The following CABP1 variants were observed in gnomAD, a reference collection of about 807,000 sequenced individuals.
CABP1 encodes the protein calcium-binding protein 1.
A neutral mutation model predicts 34.3 loss-of-function variants in CABP1; 17 were observed. The observed-to-expected ratio is 0.50, with a 90% CI of 0.34 to 0.74. CABP1 has a LOEUF of 0.74. CABP1 is among the 30% of genes least tolerant of loss of function. CABP1 has a pLI of 0.01. For synonymous variants in CABP1, 198 were observed against 229.2 expected (o/e 0.86, Z 1.23); for missense variants, 373 against 511.1 (o/e 0.73, Z 2.61).
chr12:120,650,380 T>G, intron 1 of CABP1: 8 of 997,842 alleles, frequency 8.0e-6, no homozygotes, highest in East Asian at 2.8e-5. Flanking sequence ...TTCATCTCCT[T>G]AAGAAAGTGC....
intron 1 of CABP1, chr12:120,656,012 C>T (rs753886376): frequency 6.3e-7 from 1 of 1,597,228 alleles, no homozygotes; most frequent in Non-Finnish European, 8.5e-7. Flanking sequence ...TTGCGGAAAG[C>T]CCCTCCCGGG....
intron 1 of CABP1, among the ~76,000 whole-genome samples, chr12:120,657,273 G>A (rs1044881065): frequency 1.3e-5 from 2 of 152,194 alleles, no homozygotes; most frequent in African/African-American, 4.8e-5. Flanking sequence ...AGAGAGGAGA[G>A]GACTAATGAG....
chr12:120,663,516 T>C (rs1172058808), intron 5 of CABP1, among the ~76,000 whole-genome samples: 1 of 152,118 alleles, frequency 6.6e-6, no homozygotes, highest in Non-Finnish European at 1.5e-5. Flanking sequence ...CCTCAAGTGA[T>C]CCACCCGCCT....
the CABP1 span, among the ~76,000 whole-genome samples, chr12:120,677,387 CTTCTTT>C: frequency 3.0e-5 from 4 of 133,188 alleles, no homozygotes; most frequent in South Asian, 9.3e-4. Flanking sequence ...TATGCCCAGC[CTTCTTT>C]TTTTTTTTTT....
Position 120,648,407 on chromosome 12 carries a change from G to T in CABP1, c.654+7068G>T, listed in dbSNP as rs11065184. 0.022 allele frequency among the ~76,000 whole-genome samples: 3,353 copies of T among 152,318 alleles called. 218 individuals carry two copies. The East Asian group carries it at 0.26, about 12-fold the overall frequency. On this transcript the variant is annotated intron_variant, in intron 1 of 5. Coordinates refer to ENST00000316803, the MANE Select transcript of CABP1 (RefSeq NM_001033677.2). ...AACAACGTTCCCAGAGCCAAGCACG[G>T]TGCCTGACATTTCTCCACTGGACAA...
chr12:120,669,572 G>A (rs1881179203), downstream of CABP1, among the ~76,000 whole-genome samples: 1 of 152,160 alleles, frequency 6.6e-6, no homozygotes, highest in Non-Finnish European at 1.5e-5. Flanking sequence ...TGGCCAACAT[G>A]GTGAAACCCC....
At chr12:120,648,091 C>T (rs1327750128) in intron 1 of CABP1, among the ~76,000 whole-genome samples, 1 of 152,152 alleles carries the variant, frequency 6.6e-6, no homozygotes, top group Admixed American at 6.5e-5. Flanking sequence ...ATATATCCAC[C>T]CATTCATACC....
At chr12:120,677,357 G>A in the CABP1 span, among the ~76,000 whole-genome samples, 1 of 149,538 alleles carries the variant, frequency 6.7e-6, no homozygotes, top group African/African-American at 2.5e-5. Context: ...TAAAGTGCTG[G>A]GATTACAGGC....
intron 5 of CABP1, among the ~76,000 whole-genome samples, chr12:120,666,025 A>G (rs1880955015): frequency 6.7e-6 from 1 of 149,592 alleles, no homozygotes; most frequent in African/African-American, 2.5e-5. Flanking sequence ...CTCAAAAAAA[A>G]AAAAAAGAAA....
chr12:120,645,341 G>T (rs1358503187), intron 1 of CABP1, among the ~76,000 whole-genome samples: 1 of 152,162 alleles, frequency 6.6e-6, no homozygotes, highest in Non-Finnish European at 1.5e-5. Flanking sequence ...GATAGGAGTG[G>T]CTTGGAGTCA....
rs1366145045 is a variant in CABP1 at position 120,641,203 on chromosome 12, G to C, written c.518G>C (p.Arg173Pro). 2.4e-6 allele frequency: 3 copies of C among 1,251,576 alleles called. No homozygotes were observed. Among genetic ancestry groups the C allele is most frequent in the East Asian group, 6.3e-5 (2 of 31,636 alleles). The allele number at this position is 1,251,576 out of a possible 1,614,324, so 77.5% of individuals were successfully genotyped here. ...PPARGRDGEE[R>P]GLSPALGLRG... Reference sequence around the variant, plus strand: ...GCCCGCGGGCGGGATGGGGAGGAACGGGGACTGTCCCCGGCGCTCGGCCTC... The same window carrying C: ...GCCCGCGGGCGGGATGGGGAGGAACCGGGACTGTCCCCGGCGCTCGGCCTC... The change falls in exon 1 of 6, where the codon CGG (arginine) becomes CCG (proline). Residue 173 changes from arginine to proline, a missense_variant. Physicochemically the swap from Arg to Pro is moderately radical, Grantham distance 103. Transcript: ENST00000316803. The surrounding 1 kb of genome is among the most constrained non-coding windows in gnomAD (Gnocchi z 6.7).
intron 1 of CABP1, 93 bp from the exon 2 acceptor site, chr12:120,659,785 G>C: frequency 3.3e-6 from 4 of 1,198,018 alleles, no homozygotes; most frequent in Non-Finnish European, 4.9e-6. Flanking sequence ...CTCCTACCCA[G>C]TGCCTGCTGC....
chr12:120,656,082 G>A, intron 1 of CABP1: 1 of 1,614,190 alleles, frequency 6.2e-7, no homozygotes, highest in South Asian at 1.1e-5. Flanking sequence ...TTTGCTTGGT[G>A]CTGGCTGAAG....
intron 2 of CABP1, 23 bp downstream of exon 2, chr12:120,659,931 A>G (rs1220556623): frequency 6.2e-7 from 1 of 1,611,676 alleles, no homozygotes; most frequent in Admixed American, 1.7e-5. Context: ...CCCTTGGGGG[A>G]AAGGACTGCC....
chr12:120,660,928 C>G lies in CABP1; in HGVS notation c.939+88C>G. On this transcript the variant is annotated intron_variant, in intron 4 of 5. Coordinates refer to ENST00000316803, the MANE Select transcript of CABP1 (RefSeq NM_001033677.2). The surrounding 1 kb of genome is among the most constrained non-coding windows in gnomAD (Gnocchi z 5.0). Reference sequence around the variant, plus strand: ...TTCAAAAGAAGCCTGAGCCTCAAGTCCCAGATCAGGGGAGGGAGCTTGGAC... The same window carrying G: ...TTCAAAAGAAGCCTGAGCCTCAAGTGCCAGATCAGGGGAGGGAGCTTGGAC... 7.2e-7 allele frequency: 1 copy of G among 1,385,600 alleles called. No individual in the cohort carries two copies. The highest frequency in any genetic ancestry group is 1.0e-6 in the Non-Finnish European group (1 of 980,728). The allele number at this position is 1,385,600 out of a possible 1,614,324, so 85.8% of individuals were successfully genotyped here. A position where few individuals can be genotyped will look rare whatever the true frequency, so the allele number is the denominator to read the frequency against.
At position 120,643,596 on chromosome 12, in the gene CABP1, A is replaced by T. The variant is rs555703549; in HGVS notation, c.654+2257A>T. Among the ~76,000 whole-genome samples the T allele has an allele frequency of 5.3e-5, 8 of 152,274 alleles. No homozygotes were observed. In the East Asian group the frequency reaches 1.5e-3, roughly 29 times the overall value. On this transcript the variant is annotated intron_variant, in intron 1 of 5. Coordinates refer to ENST00000316803, the MANE Select transcript of CABP1 (RefSeq NM_001033677.2). ...ACCTCATTAAGTCTATTTCTTTTTT[A>T]AAAAATATATTTTATAATAGAGACA...
intron 1 of CABP1, chr12:120,650,486 C>T (rs1401070786): frequency 6.6e-6 from 10 of 1,510,950 alleles, no homozygotes; most frequent in South Asian, 4.0e-5. Flanking sequence ...AGAGAGCACG[C>T]GCGCAAGAGA....
intron 1 of CABP1, among the ~76,000 whole-genome samples, chr12:120,642,214 C>T (rs1392867143): frequency 6.6e-6 from 1 of 152,112 alleles, no homozygotes; most frequent in Non-Finnish European, 1.5e-5. Flanking sequence ...AACTCATTGG[C>T]ACAGCTTTGA....
At position 120,641,567 on chromosome 12, in the gene CABP1, C is replaced by T. The variant is rs1209082964; in HGVS notation, c.654+228C>T. The T allele has an allele frequency of 2.5e-6, 1 of 403,540 alleles. No individual in the cohort carries two copies. The highest frequency in any genetic ancestry group is 4.2e-6 in the Non-Finnish European group (1 of 235,674). The allele number at this position is 403,540 out of a possible 1,614,324, so 25.0% of individuals were successfully genotyped here. On this transcript the variant is annotated intron_variant, in intron 1 of 5. Coordinates refer to ENST00000316803, the MANE Select transcript of CABP1 (RefSeq NM_001033677.2). The surrounding 1 kb of genome is among the most constrained non-coding windows in gnomAD (Gnocchi z 6.7). ...TCCGGGCCTCTTGGGGCAAGGCCCT[C>T]CCCGCTAGCCTCCCTCATACCCGCC...
Sources: allele counts gnomAD v4.1 joint callset (sites outside exome capture counted in the v4.1 genomes callset), GRCh38; gene constraint gnomAD v4.1.1; non-coding constraint Gnocchi (gnomAD v3.1); transcripts MANE v1.5; gene names NCBI Gene and HGNC (gene_info 2026-07-23, HGNC 2026-07-21).